ACCS: variants seen among roughly 807,000 people sequenced by gnomAD.
ACCS encodes 1-aminocyclopropane-1-carboxylate synthase homolog (inactive), also known as 1-aminocyclopropane-1-carboxylate synthase-like protein 1.
A neutral mutation model predicts 59.8 loss-of-function variants in ACCS; 42 were observed. The observed-to-expected ratio is 0.70, with a 90% CI of 0.55 to 0.91. The LOEUF is 0.91. Ranked by LOEUF, ACCS falls within the 40% of genes least tolerant of loss-of-function variation. The pLI, the probability that ACCS is intolerant of heterozygous loss-of-function variation, is 0.00. For missense variants in ACCS, 602 were observed against 630.4 expected (o/e 0.95, Z 0.48); for synonymous variants, 230 against 240.3 (o/e 0.96, Z 0.40).
In ACCS at chr11:44,083,960, C is replaced by T; in HGVS notation, c.*168C>T. On this transcript the variant is annotated 3_prime_UTR_variant, in exon 15 of 15. Transcript: ENST00000263776. Reference sequence around the variant, plus strand: ...CTTTCGCTGTAGCAGTGGGAAACTCCTTAAGCTGTGGTTCAGCCTGGGCCC... The same window carrying T: ...CTTTCGCTGTAGCAGTGGGAAACTCTTTAAGCTGTGGTTCAGCCTGGGCCC... 1 of 1,419,096 alleles carries T rather than the reference C, an allele frequency of 7.0e-7. No homozygotes were observed. Among genetic ancestry groups the T allele is most frequent in the South Asian group, 1.5e-5 (1 of 68,062 alleles). The allele number at this position is 1,419,096 out of a possible 1,614,324, so 87.9% of individuals were successfully genotyped here. A position where few individuals can be genotyped will look rare whatever the true frequency, so the allele number is the denominator to read the frequency against.
chr11:44,083,135 G>A, intron 12 of ACCS, 34 bp from the exon 13 acceptor site: 1 of 1,571,806 alleles, frequency 6.4e-7, no homozygotes, highest in Non-Finnish European at 8.6e-7. Context: ...GGGTTGATGG[G>A]ATATTGATCT....
rs1342388422 is a variant in ACCS at position 44,066,507 on chromosome 11, T to G, written c.-195T>G. ...TGTAGAAGGCCGTTTCGGTTCTTCG[T>G]GCGCGGTAGCCGCCCCACTTGCGGG... is the stretch of plus-strand genomic sequence containing the variant. On this transcript the variant is annotated 5_prime_UTR_variant, in exon 1 of 15. Coordinates refer to ENST00000263776, the MANE Select transcript of ACCS (RefSeq NM_032592.4). 3.3e-5 allele frequency: 5 copies of G among 152,264 alleles called. No individual in the cohort carries two copies. The highest frequency in any genetic ancestry group is 7.2e-5 in the African/African-American group (3 of 41,470). The allele number at this position is 152,264 out of a possible 1,614,324, so 9.4% of individuals were successfully genotyped here. A position where few individuals can be genotyped will look rare whatever the true frequency, so the allele number is the denominator to read the frequency against.
intron 5 of ACCS, 66 bp downstream of exon 5, chr11:44,074,747 T>TC: frequency 2.6e-6 from 1 of 386,350 alleles, no homozygotes; most frequent in Admixed American, 8.6e-5. Context: ...TTTCTTTCTT[T>TC]CTTTCTTTCT....
intron 2 of ACCS, among the ~76,000 whole-genome samples, chr11:44,070,294 G>A (rs1952990818): frequency 6.6e-6 from 1 of 152,136 alleles, no homozygotes; most frequent in South Asian, 2.1e-4. Flanking sequence ...AGAGAGAGGG[G>A]AGGGAAGCTG....
chr11:44,078,014 T>G, intron 8 of ACCS, 92 bp downstream of exon 8: 43 of 1,445,452 alleles, frequency 3.0e-5, no homozygotes, highest in Non-Finnish European at 3.7e-5. Context: ...CTCCCGGGAG[T>G]AGGGTTGATA....
rs576637493 is a variant in ACCS at position 44,082,549 on chromosome 11, A to G, written c.1112-620A>G. On this transcript the variant is annotated intron_variant, in intron 12 of 14. Coordinates refer to ENST00000263776, the MANE Select transcript of ACCS (RefSeq NM_032592.4). ...TGCTGTATAATTCCAATTCGATGAC[A>G]TTCTGGAAAAGGCAAAACTGTAGTG... Among the ~76,000 whole-genome samples, 7 of 152,300 alleles carry G rather than the reference A, an allele frequency of 4.6e-5. No homozygotes were observed. The South Asian group carries it at 1.2e-3, about 27-fold the overall frequency.
chr11:44,078,018 G>A, intron 8 of ACCS, 96 bp downstream of exon 8: 1 of 1,432,134 alleles, frequency 7.0e-7, no homozygotes, highest in Non-Finnish European at 9.4e-7. Flanking sequence ...CGGGAGTAGG[G>A]TTGATACCCG....
intron 3 of ACCS, among the ~76,000 whole-genome samples, chr11:44,072,937 A>G (rs1161592633): frequency 1.3e-5 from 2 of 152,202 alleles, no homozygotes; most frequent in Non-Finnish European, 2.9e-5. Context: ...CTACAATACT[A>G]GGAGTTTCTA....
chr11:44,071,410 T>G lies in ACCS; in HGVS notation c.348+95T>G. ...AACAGGAGCCTGCTGCTTGGCTCAGTGGCCCTGGCCTGGGAATCAGGAGAC... is the reference window on the plus strand; with the variant it reads ...AACAGGAGCCTGCTGCTTGGCTCAGGGGCCCTGGCCTGGGAATCAGGAGAC... On this transcript the variant is annotated intron_variant, in intron 3 of 14. Coordinates refer to ENST00000263776, the MANE Select transcript of ACCS (RefSeq NM_032592.4). 12 of 1,423,804 alleles carry G rather than the reference T, an allele frequency of 8.4e-6. No homozygotes were observed. In the South Asian group the frequency reaches 1.4e-4, roughly 17 times the overall value. The allele number at this position is 1,423,804 out of a possible 1,614,324, so 88.2% of individuals were successfully genotyped here. A position where few individuals can be genotyped will look rare whatever the true frequency, so the allele number is the denominator to read the frequency against.
chr11:44,078,998 A>C (rs999664238), intron 9 of ACCS: 4 of 546,368 alleles, frequency 7.3e-6, no homozygotes, highest in Admixed American at 6.2e-5. Flanking sequence ...ATTAGCGCAC[A>C]CTCTAGGGGC....
intron 2 of ACCS, among the ~76,000 whole-genome samples, 191 bp from the exon 3 acceptor site, chr11:44,071,065 C>G (rs1199203565): frequency 6.6e-6 from 1 of 152,144 alleles, no homozygotes; most frequent in African/African-American, 2.4e-5. Context: ...TTGGACAGAG[C>G]TTTAGAAATG....
intron 6 of ACCS, among the ~76,000 whole-genome samples, chr11:44,076,992 T>C (rs977376242): frequency 6.6e-6 from 1 of 152,166 alleles, no homozygotes; most frequent in Non-Finnish European, 1.5e-5. Flanking sequence ...AGGAAAGACC[T>C]GCCCCCGTTA....
rs1953493939 is a variant in ACCS, at chr11:44,078,735, G to A, written c.784G>A (p.Asp262Asn). 6.2e-7 allele frequency: 1 copy of A among 1,614,022 alleles called. No homozygotes were observed. Among genetic ancestry groups the A allele is most frequent in the Non-Finnish European group, 8.5e-7 (1 of 1,180,028 alleles). The change falls in exon 9 of 15, where the codon GAT becomes AAT. Residue 262 changes from aspartate to asparagine, a missense_variant. By Grantham distance (23) the Asp-to-Asn change is conservative. Coordinates refer to ENST00000263776, the MANE Select transcript of ACCS (RefSeq NM_032592.4). ...ILISPQNPLG[D>N]VYSPEELQEY... ...CATCAGCCCCCAGAACCCTCTGGGT[G>A]ATGTATACTCCCCTGAAGAGCTACA...
At chr11:44,077,951 G>A (rs759731314) in intron 8 of ACCS, 29 bp downstream of exon 8, 10 of 1,609,394 alleles carry the variant, frequency 6.2e-6, no homozygotes, top group African/African-American at 2.7e-5. Context: ...ACCTGAGGCT[G>A]GGTGTGGGTG....
At chr11:44,077,819 G>A (rs745527857) in intron 7 of ACCS, 26 bp from the exon 8 acceptor site, 1 of 1,610,088 alleles carries the variant, frequency 6.2e-7, no homozygotes, top group African/African-American at 1.3e-5. Flanking sequence ...GAATGTGGCT[G>A]GTGGCTCTGA....
chr11:44,077,955 G>A, intron 8 of ACCS, 33 bp downstream of exon 8: 1 of 1,609,420 alleles, frequency 6.2e-7, no homozygotes, highest in Non-Finnish European at 8.5e-7. Context: ...GAGGCTGGGT[G>A]TGGGTGGGTC....
rs1017374843 is a variant in ACCS, at chr11:44,076,472, G to T, written c.557-807G>T. ...ACTTGTCAAAGTCACACAAAGAGAGGTAGTAACCAGTATTTGAACCATGAA... is the reference window on the plus strand; with the variant it reads ...ACTTGTCAAAGTCACACAAAGAGAGTTAGTAACCAGTATTTGAACCATGAA... On this transcript the variant is annotated intron_variant, in intron 6 of 14. Transcript: ENST00000263776. 2.0e-5 allele frequency among the ~76,000 whole-genome samples: 3 copies of T among 152,306 alleles called. No homozygotes were observed. The East Asian group carries it at 5.8e-4, about 29-fold the overall frequency.
chr11:44,067,428 G>A (rs1023540957), intron 1 of ACCS, 200 bp from the exon 2 acceptor site: 6 of 576,928 alleles, frequency 1.0e-5, no homozygotes, highest in African/African-American at 5.7e-5. Context: ...TCCCTGGCAC[G>A]TACTAGGTCC....
intron 3 of ACCS, among the ~76,000 whole-genome samples, chr11:44,072,864 C>G (rs896046747): frequency 6.6e-6 from 1 of 152,150 alleles, no homozygotes; most frequent in Non-Finnish European, 1.5e-5. Flanking sequence ...GTGGCTGATT[C>G]CCTTTCTTCC....
Sources: allele counts gnomAD v4.1 joint callset (sites outside exome capture counted in the v4.1 genomes callset), GRCh38; gene constraint gnomAD v4.1.1; transcripts MANE v1.5; gene names NCBI Gene and HGNC (gene_info 2026-07-23, HGNC 2026-07-21).